EML6: variants seen among roughly 807,000 people sequenced by gnomAD.
The protein encoded by EML6 is EMAP like 6.
A neutral mutation model predicts 240.1 loss-of-function variants in EML6; 154 were observed. The observed-to-expected ratio is 0.64, with a 90% CI of 0.56 to 0.73. The LOEUF (loss-of-function observed/expected upper bound fraction) is 0.73, where lower values mean the gene tolerates loss of function less well. Among genes scored for constraint, EML6 ranks in the 30% least tolerant of loss-of-function variants. The probability of loss-of-function intolerance (pLI) is 0.00; values close to 1 mark genes in which losing one functional copy is unlikely to be tolerated. For synonymous variants in EML6, 1,148 were observed against 899.0 expected, an observed-to-expected ratio of 1.28 and a Z score of -4.95; for missense variants, 2,964 against 2,474.6, an observed-to-expected ratio of 1.20 and a Z score of -4.20.
chr2:54,820,364 C>G (rs1324703438), intron 4 of EML6, 30 bp from the exon 5 acceptor site: 2 of 1,483,222 alleles, frequency 1.3e-6, no homozygotes, highest in East Asian at 4.9e-5. Context: ...ACCAAATGAT[C>G]AACATGGCAA....
intron 5 of EML6, among the ~76,000 whole-genome samples, chr2:54,821,889 C>T (rs1436797098): frequency 6.6e-6 from 1 of 151,976 alleles, no homozygotes; most frequent in Non-Finnish European, 1.5e-5. Context: ...TATTTAACTG[C>T]TCAAATTGGA....
chr2:54,952,466 T>G, intron 30 of EML6, 128 bp from the exon 31 acceptor site: 1 of 572,274 alleles, frequency 1.7e-6, no homozygotes. Context: ...ATTCTGGAAG[T>G]GAGAATTTGA....
At chr2:54,868,160 G>C (rs566896361) in intron 14 of EML6, 2 of 152,212 alleles carry the variant, frequency 1.3e-5, no homozygotes, top group East Asian at 1.9e-4. Context: ...GGTTTAAAAT[G>C]TTACTGAAAT....
At chr2:54,818,697 C>G (rs1668190085) in intron 4 of EML6, among the ~76,000 whole-genome samples, 1 of 152,172 alleles carries the variant, frequency 6.6e-6, no homozygotes, top group South Asian at 2.1e-4. Context: ...TGTGCTATTG[C>G]TGTGCTACCG....
chr2:54,899,320 AAAGC>A (rs1199454950), intron 21 of EML6, among the ~76,000 whole-genome samples: 14 of 152,230 alleles, frequency 9.2e-5, no homozygotes, highest in Admixed American at 9.2e-4. Flanking sequence ...AAACAACAGA[AAAGC>A]AGGCATTTCA....
intron 2 of EML6, among the ~76,000 whole-genome samples, chr2:54,796,473 C>T (rs978623882): frequency 5.9e-5 from 9 of 151,292 alleles, no homozygotes; most frequent in South Asian, 4.2e-4. Flanking sequence ...GTAAAGTGAG[C>T]GCTTTTTTGT....
Position 54,802,966 on chromosome 2 carries a change from C to T in EML6, c.198-10266C>T, listed in dbSNP as rs78563113. Among the ~76,000 whole-genome samples, 298 of 152,230 alleles carry T rather than the reference C, an allele frequency of 2.0e-3. 2 individuals carry two copies. The highest frequency in any genetic ancestry group is 1.3e-3 in the Non-Finnish European group (91 of 68,016). On this transcript the variant is annotated intron_variant, in intron 2 of 41. Transcript: ENST00000356458. ...ATTGAGAGTAGTGGGCAAGAGTCAA[C>T]GATGGGTTTCCAGTTCTGGGAACTT...
intron 10 of EML6, among the ~76,000 whole-genome samples, chr2:54,853,360 C>T (rs536227623): frequency 6.6e-6 from 1 of 152,148 alleles, no homozygotes; most frequent in East Asian, 1.9e-4. Flanking sequence ...TTATTGGGTA[C>T]ATGTGAAATT....
chr2:54,928,895 G>A (rs998399187), intron 28 of EML6, 144 bp downstream of exon 28: 9 of 994,532 alleles, frequency 9.0e-6, no homozygotes, highest in Non-Finnish European at 1.0e-5. Flanking sequence ...CTGTACACAG[G>A]CTTAAGCTGA....
chr2:54,806,310 G>A (rs191252700), intron 2 of EML6, among the ~76,000 whole-genome samples: 109 of 152,014 alleles, frequency 7.2e-4, no homozygotes, highest in African/African-American at 2.3e-3. Flanking sequence ...TGAGTTGCTC[G>A]GACTTAGAAT....
chr2:54,936,413 C>T (rs935504720), intron 28 of EML6, among the ~76,000 whole-genome samples: 4 of 152,166 alleles, frequency 2.6e-5, no homozygotes, highest in African/African-American at 9.7e-5. Context: ...TCATTTCTTC[C>T]TCACTTAACC....
intron 11 of EML6, among the ~76,000 whole-genome samples, chr2:54,856,809 C>T (rs967918354): frequency 2.4e-4 from 36 of 152,106 alleles, no homozygotes; most frequent in African/African-American, 8.7e-4. Context: ...TGTGACCAAT[C>T]CAAGCTTTTA....
chr2:54,866,877 A>T lies in EML6; in HGVS notation c.2044A>T (p.Ile682Leu), dbSNP rs1423707498. The T allele has an allele frequency of 6.5e-7, 1 of 1,547,142 alleles. No individual in the cohort carries two copies. Among genetic ancestry groups the T allele is most frequent in the Non-Finnish European group, 8.7e-7 (1 of 1,143,102 alleles). Reference protein sequence around the residue: ...APEDSLKLQFIHGYRGYDCRN... With the variant: ...APEDSLKLQFLHGYRGYDCRN... ...TGAGGACAGCTTGAAACTCCAGTTC[A>T]TACACGGGTGGGTGGCCTGTCATGG... The change falls in exon 14 of 42, where the codon ATA (isoleucine) becomes TTA (leucine). Residue 682 changes from isoleucine (I) to leucine (L), a missense_variant. Transcript: ENST00000356458.
intron 2 of EML6, among the ~76,000 whole-genome samples, chr2:54,783,732 A>T (rs1034910362): frequency 6.6e-6 from 1 of 152,188 alleles, no homozygotes; most frequent in African/African-American, 2.4e-5. Flanking sequence ...AAATGAGATT[A>T]AAATAATTCT....
chr2:54,953,885 TA>T (rs34371058), intron 31 of EML6, 97 bp from the exon 32 acceptor site: 169,038 of 777,910 alleles, frequency 0.22, 12 homozygotes, highest in East Asian at 0.27. Flanking sequence ...AGACTCTGTC[TA>T]AAAAAAAAAA....
chr2:54,861,337 G>A (rs1365903707), intron 12 of EML6, among the ~76,000 whole-genome samples: 1 of 152,134 alleles, frequency 6.6e-6, no homozygotes, highest in African/African-American at 2.4e-5. Flanking sequence ...ATTCCTGAGT[G>A]GACTTAAACC....
At position 54,964,118 on chromosome 2, in the gene EML6, G is replaced by A. The variant is rs575016130; in HGVS notation, c.5290G>A (p.Gly1764Arg). The part of the protein sequence containing the change: ...ILLVNSLKVW[G>R]KKRDRKSAIQ... Reference sequence around the variant, plus strand: ...GTTGGTGAACAGCCTGAAAGTTTGGGGGAAAAAACGAGACCGGAAATCTGC... The same window carrying A: ...GTTGGTGAACAGCCTGAAAGTTTGGAGGAAAAAACGAGACCGGAAATCTGC... Residue 1764 changes from glycine (G) to arginine (R), a missense_variant, in exon 37 of 42, where the codon GGG becomes AGG. Physicochemically the swap from Gly to Arg is moderately radical, Grantham distance 125 (BLOSUM62 -2). Transcript: ENST00000356458. 9.7e-6 allele frequency: 15 copies of A among 1,551,552 alleles called. No homozygotes were observed. In the African/African-American group the frequency reaches 1.1e-4, roughly 11 times the overall value.
At chr2:54,794,771 G>T (rs909991141) in intron 2 of EML6, among the ~76,000 whole-genome samples, 1 of 152,132 alleles carries the variant, frequency 6.6e-6, no homozygotes, top group African/African-American at 2.4e-5. Context: ...AAAATTGTAC[G>T]ACATTACGCT....
chr2:54,875,711 T>C (rs912909191), intron 16 of EML6, among the ~76,000 whole-genome samples: 2 of 152,168 alleles, frequency 1.3e-5, no homozygotes, highest in Non-Finnish European at 2.9e-5. Flanking sequence ...ATTTATATTA[T>C]CTCAGTTGAG....
Sources: allele counts gnomAD v4.1 joint callset (sites outside exome capture counted in the v4.1 genomes callset), GRCh38; gene constraint gnomAD v4.1.1; transcripts MANE v1.5; gene names NCBI Gene and HGNC (gene_info 2026-07-23, HGNC 2026-07-21).